The following TSC2 variants were observed in gnomAD, a reference collection of about 807,000 sequenced individuals.
The protein encoded by TSC2 is TSC complex subunit 2, also known as tuberin.
A neutral mutation model predicts 202.2 loss-of-function variants in TSC2; 29 were observed. The ratio of observed to expected loss-of-function variants is 0.14; its 90% CI spans 0.11 to 0.20. The LOEUF (loss-of-function observed/expected upper bound fraction) is 0.20. Among genes scored for constraint, TSC2 ranks in the 10% least tolerant of loss-of-function variants. The pLI is 1.00. For synonymous variants in TSC2, 1,349 were observed against 1,044.0 expected (o/e 1.29, Z -5.63); for missense variants, 2,429 against 2,420.0 (o/e 1.00, Z -0.08).
Position 2,087,963 on chromosome 16 carries a change from C to T in TSC2, c.5068+22C>T, listed in dbSNP as rs760054916. On this transcript the variant is annotated intron_variant, in intron 39 of 41. Transcript: ENST00000219476. Reference sequence around the variant, plus strand: ...AAAGGTAGGGCCGGGTGGGGCCCTGCAGTGCAGGAAAGGTAGGGCCGGGTG... The same window carrying T: ...AAAGGTAGGGCCGGGTGGGGCCCTGTAGTGCAGGAAAGGTAGGGCCGGGTG... The T allele has an allele frequency of 4.3e-6, 7 of 1,612,346 alleles. No homozygotes were observed. In the East Asian group the frequency reaches 1.1e-4, roughly 26 times the overall value.
chr16:2,065,304 T>A (rs2087175253), intron 15 of TSC2: 1 of 552,994 alleles, frequency 1.8e-6, no homozygotes, highest in Non-Finnish European at 3.3e-6. Context: ...TCCTAGCTAC[T>A]GGGGAGGCTG....
intron 4 of TSC2, 86 bp from the exon 5 acceptor site, chr16:2,054,210 C>T (rs1340737507): frequency 1.4e-5 from 22 of 1,605,622 alleles, no homozygotes; most frequent in South Asian, 8.8e-5. Flanking sequence ...GGCTGGAGTC[C>T]GGGTGCCCCT....
rs764529584 is a variant in TSC2 at position 2,054,303 on chromosome 16, G to A, written c.344G>A (p.Arg115His). Residue 115 changes from arginine to histidine, a missense_variant, in exon 5 of 42, where the codon CGT (arginine) becomes CAT (histidine). Transcript: ENST00000219476. ...LKAIVQGQGE[R>H]LGVLRALFFK... ...TGTGGCTTTTGTCTTTAGGGCGAGC[G>A]TTTGGGGGTCCTCAGAGCCCTCTTC... 4.5e-5 allele frequency: 73 copies of A among 1,614,050 alleles called. 1 individual carries two copies. Among genetic ancestry groups the A allele is most frequent in the South Asian group, 2.9e-4 (26 of 91,086 alleles).
rs532247261 is a variant in TSC2 at position 2,088,896 on chromosome 16, C to G, written c.*286C>G. 7 of 434,212 alleles carry G rather than the reference C, an allele frequency of 1.6e-5. No individual in the cohort carries two copies. In the East Asian group the frequency reaches 2.4e-4, roughly 15 times the overall value. 26.9% of individuals were successfully genotyped at this position (434,212 alleles called of 1,614,324 possible). A position where few individuals can be genotyped will look rare whatever the true frequency, so the allele number is the denominator to read the frequency against. ...GTGCGCGCGCGCACACACACACACA[C>G]ACAGTCACCTTCCTCCACCCTGGGA... On this transcript the variant is annotated 3_prime_UTR_variant, in exon 42 of 42. Coordinates refer to ENST00000219476, the MANE Select transcript of TSC2 (RefSeq NM_000548.5).
At chr16:2,055,990 G>T in intron 6 of TSC2, 1 of 657,302 alleles carries the variant, frequency 1.5e-6, no homozygotes, top group Non-Finnish European at 2.8e-6. Context: ...AATGTTGCAT[G>T]AGCTCTGTCT....
chr16:2,084,875 C>G, intron 34 of TSC2, 76 bp from the exon 35 acceptor site: 1 of 1,605,398 alleles, frequency 6.2e-7, no homozygotes, highest in East Asian at 2.2e-5. Context: ...TGGCCAGGCT[C>G]TGTGTTCCTC....
Position 2,048,075 on chromosome 16 carries a change from G to T in TSC2, c.-30+10G>T. 1 of 1,424,128 alleles carries T rather than the reference G, an allele frequency of 7.0e-7. No homozygotes were observed. Among genetic ancestry groups the T allele is most frequent in the South Asian group, 1.5e-5 (1 of 66,774 alleles). 88.2% of individuals were successfully genotyped at this position (1,424,128 alleles called of 1,614,324 possible). A position where few individuals can be genotyped will look rare whatever the true frequency, so the allele number is the denominator to read the frequency against. ...GGTGGCGCGGCGCGGGGTAAGTGGCGGTCCCCACGGGGCAAGTGGCGGTCC... is the reference window on the plus strand; with the variant it reads ...GGTGGCGCGGCGCGGGGTAAGTGGCTGTCCCCACGGGGCAAGTGGCGGTCC... On this transcript the variant is annotated intron_variant, in intron 1 of 41. Transcript: ENST00000219476.
chr16:2,077,602 A>C lies in TSC2; in HGVS notation c.2842A>C (p.Arg948=), dbSNP rs770710202. The C allele has an allele frequency of 3.1e-6, 5 of 1,612,984 alleles. No individual in the cohort carries two copies. The highest frequency in any genetic ancestry group is 2.5e-6 in the Non-Finnish European group (3 of 1,179,992). ...GGCTCCTTCCTCACCCGATAGTCTG[A>C]GGATAGCCAGACCCCCCAAACAAGG... The part of the protein sequence containing the change: ...TSLNERPKSL[R]IARPPKQGLN... Residue 948 remains arginine, a synonymous_variant, in exon 26 of 42, where the codon AGG becomes CGG. Coordinates refer to ENST00000219476, the MANE Select transcript of TSC2 (RefSeq NM_000548.5).
Position 2,074,320 on chromosome 16 carries a change from C to T in TSC2, c.2476C>T (p.Leu826=), listed in dbSNP as rs45517238. Residue 826 remains leucine (L), a synonymous_variant, in exon 22 of 42, where the codon CTG becomes TTG. Transcript: ENST00000219476. ...PDIIIKALPV[L]VVKLTHISAT... is the part of the protein sequence containing the mutation. ...CATCATCATCAAGGCGCTGCCTGTTCTGGTGGTGAAGCTCACGCACATCTC... is the reference window on the plus strand; with the variant it reads ...CATCATCATCAAGGCGCTGCCTGTTTTGGTGGTGAAGCTCACGCACATCTC... 2 of 1,613,066 alleles carry T rather than the reference C, an allele frequency of 1.2e-6. No individual in the cohort carries two copies. The highest frequency in any genetic ancestry group is 1.7e-6 in the Non-Finnish European group (2 of 1,180,042).
chr16:2,085,392 G>A (rs528490093), intron 36 of TSC2, 70 bp downstream of exon 36: 2 of 1,540,294 alleles, frequency 1.3e-6, no homozygotes, highest in Admixed American at 1.7e-5. Flanking sequence ...TGGGTAGGGA[G>A]TCTGGGCCCC....
At chr16:2,050,374 C>G (rs755967764) in intron 2 of TSC2, 26 bp from the exon 3 acceptor site, 1 of 1,612,604 alleles carries the variant, frequency 6.2e-7, no homozygotes, top group Non-Finnish European at 8.5e-7. Context: ...GCACTGGCCC[C>G]TTTTTCTTCT....
chr16:2,050,284 G>C, intron 2 of TSC2, 116 bp from the exon 3 acceptor site: 3 of 1,010,178 alleles, frequency 3.0e-6, no homozygotes, highest in Non-Finnish European at 4.6e-6. Context: ...AGAAAGATCT[G>C]TTTTAAGTCT....
In TSC2 at chr16:2,088,415, G is replaced by A. The variant is rs777623881; in HGVS notation, c.5260-31G>A. The A allele has an allele frequency of 5.0e-6, 8 of 1,612,658 alleles. No individual in the cohort carries two copies. In the South Asian group the frequency reaches 6.6e-5, roughly 13 times the overall value. ...GGCAGAGCGGTTGCCACGCCTCCCA[G>A]ACTTACTGCCCAAGCCGCCTCTGCC... On this transcript the variant is annotated intron_variant, in intron 41 of 41. Transcript: ENST00000219476.
At position 2,079,785 on chromosome 16, in the gene TSC2, G is replaced by T. The variant is rs898274473; in HGVS notation, c.3397+116G>T. ...GGCCGGGGTGGCTGGCTTCAGGCCC[G>T]GCCCACGTCCTGACTCTGGGGTGAG... is the stretch of plus-strand genomic sequence containing the variant. On this transcript the variant is annotated intron_variant, in intron 29 of 41. Transcript: ENST00000219476. This position sits in a 1 kb window ranked among gnomAD's most constrained non-coding sequence, Gnocchi z 4.6. 1 of 1,043,662 alleles carries T rather than the reference G, an allele frequency of 9.6e-7. No homozygotes were observed. The highest frequency in any genetic ancestry group is 1.6e-5 in the South Asian group (1 of 63,466). 64.7% of individuals were successfully genotyped at this position (1,043,662 alleles called of 1,614,324 possible). A position where few individuals can be genotyped will look rare whatever the true frequency, so the allele number is the denominator to read the frequency against.
At chr16:2,086,127 C>A in intron 36 of TSC2, 66 bp from the exon 37 acceptor site, 1 of 1,599,330 alleles carries the variant, frequency 6.3e-7, no homozygotes, top group South Asian at 1.1e-5. Flanking sequence ...CTGGGCACCC[C>A]CACCCTCTGC....
chr16:2,084,207 C>T lies in TSC2; in HGVS notation c.4006-21C>T, dbSNP rs397515012. On this transcript the variant is annotated intron_variant, in intron 33 of 41. Transcript: ENST00000219476. ...GAGGGTGCCTGCTGACAGGGGTTCTCTTTGGGATGGTCCTTTCTAGTCGTC... is the reference window on the plus strand; with the variant it reads ...GAGGGTGCCTGCTGACAGGGGTTCTTTTTGGGATGGTCCTTTCTAGTCGTC... The T allele has an allele frequency of 5.5e-5, 86 of 1,564,732 alleles. No individual in the cohort carries two copies. Among genetic ancestry groups the T allele is most frequent in the Non-Finnish European group, 7.3e-5 (84 of 1,154,028 alleles).
At chr16:2,053,969 C>G (rs1360573782) in intron 4 of TSC2, 7 of 458,850 alleles carry the variant, frequency 1.5e-5, no homozygotes, top group Non-Finnish European at 2.4e-5. Flanking sequence ...AGGCCTTGTC[C>G]TCAGTCTCTG....
chr16:2,079,847 A>G lies in TSC2; in HGVS notation c.3397+178A>G, dbSNP rs2089907865. On this transcript the variant is annotated intron_variant, in intron 29 of 41. Coordinates refer to ENST00000219476, the MANE Select transcript of TSC2 (RefSeq NM_000548.5). The surrounding 1 kb of genome is among the most constrained non-coding windows in gnomAD (Gnocchi z 4.6). ...TCACCCCAGAGCCGTGGAGTGGTGG[A>G]GTGTGGCCCGCTTGCTGCAGAGGGG... Among the ~76,000 whole-genome samples, 1 of 151,894 alleles carries G rather than the reference A, an allele frequency of 6.6e-6. No homozygotes were observed. Among genetic ancestry groups the G allele is most frequent in the African/African-American group, 2.4e-5 (1 of 41,318 alleles).
At chr16:2,055,747 C>G (rs990950218) in intron 6 of TSC2, 1 of 501,892 alleles carries the variant, frequency 2.0e-6, no homozygotes. Context: ...AAAAATTAGC[C>G]GGGCATGGTG....
Sources: gnomAD v4.1 joint callset for allele counts (sites outside exome capture counted in the v4.1 genomes callset) on GRCh38, gnomAD v4.1.1 for gene constraint, Gnocchi (gnomAD v3.1) non-coding constraint, MANE v1.5 for transcripts, NCBI Gene and HGNC (gene_info 2026-07-23, HGNC 2026-07-21) for gene names.